MTCL1: variants seen among roughly 807,000 people sequenced by gnomAD.
MTCL1 encodes the protein microtubule cross-linking factor 1.
MTCL1 carries 79 observed loss-of-function variants against 141.4 expected under a neutral mutation model. The ratio of observed to expected loss-of-function variants is 0.56; its 90% CI spans 0.47 to 0.67. MTCL1 has a LOEUF of 0.67. Ranked by LOEUF, MTCL1 falls within the 30% of genes least tolerant of loss-of-function variation. The pLI is 0.00. For missense variants in MTCL1, 2,177 were observed against 2,113.9 expected (o/e 1.03, Z -0.59); for synonymous variants, 914 against 875.8 (o/e 1.04, Z -0.77).
In MTCL1 at chr18:8,780,855, A is replaced by G. The variant is rs142983524; in HGVS notation, c.418-2675A>G. On this transcript the variant is annotated intron_variant, in intron 5 of 16. Coordinates refer to ENST00000359865, the Ensembl canonical transcript of MTCL1. ...ACTTCTGGTACATACTAGGTACTTA[A>G]TAAATATTTCCTGAAAGAATGAATG... is the stretch of plus-strand genomic sequence containing the variant. 6.4e-3 allele frequency among the ~76,000 whole-genome samples: 981 copies of G among 152,318 alleles called. 13 individuals are homozygous for G. The highest frequency in any genetic ancestry group is 0.023 in the African/African-American group (939 of 41,568).
At chr18:8,801,920 G>A (rs2076136175) in intron 10 of MTCL1, 1 of 152,228 alleles carries the variant, frequency 6.6e-6, no homozygotes, top group Non-Finnish European at 1.5e-5. Context: ...GAGGACTTCT[G>A]TGTGTAAATG....
intron 4 of MTCL1, among the ~76,000 whole-genome samples, chr18:8,739,268 C>T (rs2096289349): frequency 6.6e-6 from 1 of 152,024 alleles, no homozygotes; most frequent in Non-Finnish European, 1.5e-5. Context: ...AATTAAAAAA[C>T]ACCCTGAAAT....
At chr18:8,720,647 T>C (rs1256880559) in intron 4 of MTCL1, 151 bp downstream of exon 3, 1 of 763,342 alleles carries the variant, frequency 1.3e-6, no homozygotes, top group East Asian at 2.7e-5. Flanking sequence ...TTTTACATTT[T>C]TTTCCTAGCG....
At chr18:8,825,090 C>T (rs977342194) in exon 15 of MTCL1, 4 of 1,608,544 alleles carry the variant, frequency 2.5e-6, no homozygotes, top group Non-Finnish European at 3.4e-6. Flanking sequence ...GCGCGTGTTA[C>T]ACAGCCCGCC....
intron 7 of MTCL1, among the ~76,000 whole-genome samples, chr18:8,789,179 A>C (rs1277801300): frequency 6.6e-6 from 1 of 152,224 alleles, no homozygotes. Flanking sequence ...CAATCAAGGA[A>C]GCACACAAAG....
intron 4 of MTCL1, among the ~76,000 whole-genome samples, chr18:8,774,734 C>G: frequency 6.6e-6 from 1 of 152,216 alleles, no homozygotes; most frequent in Non-Finnish European, 1.5e-5. Flanking sequence ...GTAATCTGCC[C>G]ACTTCGGCCT....
intron 4 of MTCL1, among the ~76,000 whole-genome samples, chr18:8,732,548 G>A (rs778963592): frequency 6.6e-6 from 1 of 152,184 alleles, no homozygotes; most frequent in African/African-American, 2.4e-5. Context: ...GCCATCGTAC[G>A]TTGAAATGGT....
intron 4 of MTCL1, among the ~76,000 whole-genome samples, chr18:8,751,235 C>T (rs753551100): frequency 9.2e-5 from 14 of 152,168 alleles, no homozygotes; most frequent in Admixed American, 2.6e-4. Context: ...GTAGAATTTT[C>T]GACATGTTTG....
chr18:8,791,202 A>G (rs538221557), intron 7 of MTCL1, among the ~76,000 whole-genome samples: 1 of 152,238 alleles, frequency 6.6e-6, no homozygotes, highest in African/African-American at 2.4e-5. Context: ...CAAGAGAAGC[A>G]TCTGCCTGCT....
At chr18:8,799,102 C>T (rs567988959) in intron 10 of MTCL1, among the ~76,000 whole-genome samples, 11 of 152,334 alleles carry the variant, frequency 7.2e-5, no homozygotes, top group African/African-American at 2.2e-4. Context: ...GGGCAGGTGG[C>T]CACGGGGATG....
Position 8,828,623 on chromosome 18 carries a change from C to T in MTCL1, c.4723-285C>T, listed in dbSNP as rs1198358900. Among the ~76,000 whole-genome samples, 2 of 152,204 alleles carry T rather than the reference C, an allele frequency of 1.3e-5. No individual in the cohort carries two copies. The highest frequency in any genetic ancestry group is 2.9e-5 in the Non-Finnish European group (2 of 68,042). ...AAAGGGTGACTCGGAAGCATAGAAA[C>T]TAGAGGGAGGTCTGTGACTCCTCCA... On this transcript the variant is annotated intron_variant, in intron 15 of 16. Coordinates refer to ENST00000359865, the Ensembl canonical transcript of MTCL1. This position sits in a 1 kb window ranked among gnomAD's most constrained non-coding sequence, Gnocchi z 5.2.
chr18:8,727,852 TTC>T (rs71297365), intron 4 of MTCL1, among the ~76,000 whole-genome samples: 22 of 135,354 alleles, frequency 1.6e-4, no homozygotes, highest in South Asian at 2.3e-4. Context: ...TGCTTGCTCC[TTC>T]TCTCTCTCTC....
chr18:8,805,115 A>ATATG (rs1235098461), intron 10 of MTCL1, among the ~76,000 whole-genome samples: 5 of 150,922 alleles, frequency 3.3e-5, no homozygotes, highest in Non-Finnish European at 7.4e-5. Context: ...ATATATATAT[A>ATATG]TATAGAATTT....
At chr18:8,797,961 A>T (rs1598715774) in intron 9 of MTCL1, 136 bp from the exon 9 acceptor site, 20 of 812,680 alleles carry the variant, frequency 2.5e-5, no homozygotes, top group Non-Finnish European at 3.6e-5. Flanking sequence ...CAAAATGAGC[A>T]TTTTAGGGGT....
exon 3 of MTCL1, chr18:8,718,541 C>G: frequency 6.2e-7 from 1 of 1,614,142 alleles, no homozygotes; most frequent in Non-Finnish European, 8.5e-7. Flanking sequence ...TAAAAACTGC[C>G]GAATCCTGCA....
chr18:8,786,482 T>C (rs902575401), intron 7 of MTCL1: 22 of 394,570 alleles, frequency 5.6e-5, no homozygotes, highest in Non-Finnish European at 1.1e-4. Context: ...AGAGTTCCCC[T>C]TTTCAGCTCT....
At chr18:8,804,932 A>G (rs2076242921) in intron 10 of MTCL1, among the ~76,000 whole-genome samples, 1 of 150,538 alleles carries the variant, frequency 6.6e-6, no homozygotes, top group Non-Finnish European at 1.5e-5. Context: ...TTGAGGCTGC[A>G]GTGAGCCGTG....
chr18:8,831,803 C>G (rs2077201661), exon 17 of MTCL1: 1 of 1,550,142 alleles, frequency 6.5e-7, no homozygotes, highest in Non-Finnish European at 8.7e-7. Context: ...CACCGAGATG[C>G]AAGCTTGCAT....
At chr18:8,726,820 G>A (rs1203452980) in intron 4 of MTCL1, among the ~76,000 whole-genome samples, 5 of 152,074 alleles carry the variant, frequency 3.3e-5, no homozygotes, top group Admixed American at 3.3e-4. Flanking sequence ...TTTTAGATTC[G>A]GAGGCATGTG....
Sources: gnomAD v4.1 joint callset for allele counts (sites outside exome capture counted in the v4.1 genomes callset) on GRCh38, gnomAD v4.1.1 for gene constraint, Gnocchi (gnomAD v3.1) non-coding constraint, MANE v1.5 for transcripts, NCBI Gene and HGNC (gene_info 2026-07-23, HGNC 2026-07-21) for gene names.